The following ARB2A variants were observed in gnomAD, a reference collection of about 807,000 sequenced individuals.
ARB2A encodes the protein ARB2 cotranscriptional regulator A.
the ARB2A span, among the ~76,000 whole-genome samples, chr5:93,990,716 A>C: frequency 6.6e-6 from 1 of 151,870 alleles, no homozygotes; most frequent in African/African-American, 2.4e-5. Context: ...GGACATCTGG[A>C]CATGCCTTCT....
At chr5:93,658,021 A>G in the ARB2A span, among the ~76,000 whole-genome samples, 1 of 152,146 alleles carries the variant, frequency 6.6e-6, no homozygotes. Context: ...TATATTAGAC[A>G]AGTACAAGGA....
the ARB2A span, among the ~76,000 whole-genome samples, chr5:93,899,941 A>G: frequency 9.2e-5 from 14 of 152,204 alleles, no homozygotes; most frequent in Non-Finnish European, 1.9e-4. Context: ...AGATACACTA[A>G]TTGGCTCTAA....
the ARB2A span, chr5:93,881,825 ATGATT>A: frequency 2.3e-6 from 1 of 435,436 alleles, no homozygotes; most frequent in Non-Finnish European, 3.9e-6. Flanking sequence ...AGGCAAGATA[ATGATT>A]TTATTTTTTT....
chr5:93,951,035 G>C, the ARB2A span, among the ~76,000 whole-genome samples: 2 of 151,968 alleles, frequency 1.3e-5, no homozygotes, highest in Non-Finnish European at 2.9e-5. Flanking sequence ...ACTGGAGTGA[G>C]ATGACATGTC....
the ARB2A span, among the ~76,000 whole-genome samples, chr5:93,988,785 C>T: frequency 1.3e-5 from 2 of 152,148 alleles, no homozygotes; most frequent in African/African-American, 4.8e-5. Context: ...CACAACAAAT[C>T]TTCACAACAA....
the ARB2A span, among the ~76,000 whole-genome samples, chr5:93,791,665 T>C: frequency 2.6e-5 from 4 of 152,132 alleles, no homozygotes; most frequent in Admixed American, 1.3e-4. Context: ...ATTCTTGCAA[T>C]CTTTGTTTAA....
chr5:93,936,820 GT>G, the ARB2A span, among the ~76,000 whole-genome samples: 1 of 151,522 alleles, frequency 6.6e-6, no homozygotes, highest in Middle Eastern at 3.4e-3. Flanking sequence ...TATTGACCAT[GT>G]TTTAATCAAA....
At chr5:94,104,980 T>C in the ARB2A span, among the ~76,000 whole-genome samples, 8 of 151,964 alleles carry the variant, frequency 5.3e-5, no homozygotes, top group South Asian at 1.7e-3. Context: ...AACTAGACAT[T>C]GAAGGAACAT....
At chr5:93,876,612 A>G in the ARB2A span, among the ~76,000 whole-genome samples, 1 of 152,066 alleles carries the variant, frequency 6.6e-6, no homozygotes, top group Non-Finnish European at 1.5e-5. Flanking sequence ...TATACTAGAT[A>G]CTTGCAAAAA....
the ARB2A span, among the ~76,000 whole-genome samples, chr5:93,688,477 T>C: frequency 6.6e-6 from 1 of 152,228 alleles, no homozygotes; most frequent in Non-Finnish European, 1.5e-5. Context: ...TTCAGGTCTC[T>C]TTCATCTTAA....
At chr5:93,953,796 A>G in the ARB2A span, among the ~76,000 whole-genome samples, 1 of 152,070 alleles carries the variant, frequency 6.6e-6, no homozygotes, top group Non-Finnish European at 1.5e-5. Flanking sequence ...TACTCTAGGA[A>G]CCTACCCAGT....
chr5:93,659,040 T>G, the ARB2A span, among the ~76,000 whole-genome samples: 5 of 152,030 alleles, frequency 3.3e-5, no homozygotes, highest in African/African-American at 1.2e-4. Context: ...GAAGTTTCAT[T>G]TGAAAACCAG....
the ARB2A span, among the ~76,000 whole-genome samples, chr5:93,915,997 A>G: frequency 6.6e-6 from 1 of 152,128 alleles, no homozygotes; most frequent in Non-Finnish European, 1.5e-5. Flanking sequence ...CAAGGTTTCC[A>G]AGTACAGGAT....
the ARB2A span, among the ~76,000 whole-genome samples, chr5:94,091,746 T>G: frequency 2.0e-5 from 3 of 152,168 alleles, no homozygotes; most frequent in East Asian, 1.9e-4. Flanking sequence ...TTTTAAAAAT[T>G]TAAGATTGTG....
chr5:93,697,016 T>C, the ARB2A span, among the ~76,000 whole-genome samples: 11 of 144,416 alleles, frequency 7.6e-5, no homozygotes, highest in Non-Finnish European at 1.5e-4. Flanking sequence ...GAGTCGAGAT[T>C]GCACCACTGC....
chr5:93,647,755 C>T, the ARB2A span, among the ~76,000 whole-genome samples: 10 of 152,162 alleles, frequency 6.6e-5, no homozygotes, highest in Non-Finnish European at 1.3e-4. Flanking sequence ...AACTCCTGTC[C>T]TCAAGTGATC....
chr5:93,823,723 G>A, the ARB2A span, among the ~76,000 whole-genome samples: 1 of 152,160 alleles, frequency 6.6e-6, no homozygotes, highest in African/African-American at 2.4e-5. Flanking sequence ...GTAGTAGGCT[G>A]AGGCAGGCGG....
chr5:93,744,411 G>A, the ARB2A span, among the ~76,000 whole-genome samples: 323 of 132,338 alleles, frequency 2.4e-3, 1 homozygote, highest in African/African-American at 8.9e-3. Flanking sequence ...CTGCAGCCTG[G>A]GCGACAGAGT....
chr5:93,868,903 C>T, the ARB2A span, among the ~76,000 whole-genome samples: 2 of 152,138 alleles, frequency 1.3e-5, no homozygotes, highest in South Asian at 2.1e-4. Flanking sequence ...TTTCGACTGC[C>T]TTACCAAGAA....
Sources: gnomAD v4.1 joint callset for allele counts (sites outside exome capture counted in the v4.1 genomes callset) on GRCh38, gnomAD v4.1.1 for gene constraint, MANE v1.5 for transcripts, NCBI Gene and HGNC (gene_info 2026-07-23, HGNC 2026-07-21) for gene names.